ARHGAP29: variants seen among roughly 807,000 people sequenced by gnomAD.
ARHGAP29 encodes Rho GTPase activating protein 29.
A neutral mutation model predicts 122.6 loss-of-function variants in ARHGAP29; 43 were observed. That is an observed-to-expected ratio of 0.35 (90% CI 0.27 to 0.45). ARHGAP29 has a LOEUF of 0.45. ARHGAP29 is among the 20% of genes least tolerant of loss of function. ARHGAP29 has a pLI of 1.00. For missense variants in ARHGAP29, 1,303 were observed against 1,477.2 expected (o/e 0.88, Z 1.93); for synonymous variants, 506 against 497.1 (o/e 1.02, Z -0.24).
rs1652212242 is a variant in ARHGAP29 at position 94,220,262 on chromosome 1, C to A, written c.336G>T (p.Val112=). 1 of 1,613,026 alleles carries A rather than the reference C, an allele frequency of 6.2e-7. No individual in the cohort carries two copies. The highest frequency in any genetic ancestry group is 1.3e-5 in the African/African-American group (1 of 74,896). ...CTTTTACTATATCTTCCTTACCTTTCACTTTTGCAGTGAGCATTTCTGCAG... is the reference window on the plus strand; with the variant it reads ...CTTTTACTATATCTTCCTTACCTTTAACTTTTGCAGTGAGCATTTCTGCAG... ...QNAAEMLTAK[V]KAVNFTEVNE... Residue 112 remains valine (V), a synonymous_variant, in exon 3 of 23, where the codon GTG becomes GTT. Transcript: ENST00000260526.
At position 94,169,057 on chromosome 1, in the gene ARHGAP29, A is replaced by G. The variant is rs1252032531; in HGVS notation, c.*4812T>C. On this transcript the variant is annotated 3_prime_UTR_variant, in exon 23 of 23. Coordinates refer to ENST00000260526, the MANE Select transcript of ARHGAP29 (RefSeq NM_004815.4). The stretch of plus-strand genomic sequence containing the variant: ...TTAAAAATTGTTACAGCCAAGACCA[A>G]AAAGTGAGAACCACAATTCAATATT... Among the ~76,000 whole-genome samples, 1 of 152,240 alleles carries G rather than the reference A, an allele frequency of 6.6e-6. No homozygotes were observed. The highest frequency in any genetic ancestry group is 2.1e-4 in the South Asian group (1 of 4,826).
chr1:94,215,892 G>C (rs1261083440), intron 3 of ARHGAP29, among the ~76,000 whole-genome samples: 1 of 152,032 alleles, frequency 6.6e-6, no homozygotes, highest in Non-Finnish European at 1.5e-5. Flanking sequence ...AAGAAAAGCA[G>C]ATAAAAGGTC....
At chr1:94,180,951 T>G (rs754818529) in intron 19 of ARHGAP29, among the ~76,000 whole-genome samples, 2 of 152,204 alleles carry the variant, frequency 1.3e-5, no homozygotes, top group African/African-American at 2.4e-5. Context: ...GCCTCCATTT[T>G]TCAGCTGAGA....
intron 15 of ARHGAP29, among the ~76,000 whole-genome samples, chr1:94,187,001 C>T (rs989905417): frequency 2.0e-5 from 3 of 152,120 alleles, no homozygotes; most frequent in African/African-American, 4.8e-5. Flanking sequence ...TAAATGTATA[C>T]AATTAAACCA....
the ARHGAP29 span, among the ~76,000 whole-genome samples, chr1:94,294,997 G>A: frequency 6.6e-6 from 1 of 152,170 alleles, no homozygotes; most frequent in East Asian, 1.9e-4. Flanking sequence ...GAAAGATATT[G>A]GAGTGAATTA....
chr1:94,312,462 C>T, the ARHGAP29 span, among the ~76,000 whole-genome samples: 16 of 139,080 alleles, frequency 1.2e-4, no homozygotes, highest in East Asian at 3.0e-3. Context: ...GACAGAGTCT[C>T]ACTCTGTTGC....
upstream of ARHGAP29, among the ~76,000 whole-genome samples, chr1:94,240,290 A>G (rs1032181908): frequency 6.6e-6 from 1 of 152,150 alleles, no homozygotes; most frequent in Non-Finnish European, 1.5e-5. Context: ...TCTCAATCTC[A>G]ATCCTCCTCT....
intron 12 of ARHGAP29, among the ~76,000 whole-genome samples, chr1:94,198,749 T>A (rs1225397600): frequency 6.6e-6 from 1 of 152,184 alleles, no homozygotes; most frequent in African/African-American, 2.4e-5. Flanking sequence ...AGATGCTACA[T>A]ATACAGTCAA....
chr1:94,274,289 G>A (rs1260735144), intron 1 of ARHGAP29, among the ~76,000 whole-genome samples: 1 of 152,216 alleles, frequency 6.6e-6, no homozygotes, highest in Non-Finnish European at 1.5e-5. Context: ...GAATGAGCAT[G>A]ACTGTGGTCC....
chr1:94,196,130 C>A (rs904107508), intron 12 of ARHGAP29, among the ~76,000 whole-genome samples: 1 of 151,956 alleles, frequency 6.6e-6, no homozygotes, highest in Admixed American at 6.6e-5. Context: ...CAACAGGAAC[C>A]AATTGATATT....
intron 2 of ARHGAP29, among the ~76,000 whole-genome samples, chr1:94,230,337 T>TGA (rs1652846010): frequency 6.6e-6 from 1 of 151,808 alleles, no homozygotes; most frequent in Admixed American, 6.6e-5. Flanking sequence ...AAAATCAAGC[T>TGA]ATTAAAATGA....
the ARHGAP29 span, among the ~76,000 whole-genome samples, chr1:94,290,464 G>T: frequency 2.0e-5 from 3 of 152,078 alleles, no homozygotes; most frequent in Non-Finnish European, 4.4e-5. Flanking sequence ...TCTTCTGTTA[G>T]CTTTTGAATT....
the ARHGAP29 span, among the ~76,000 whole-genome samples, chr1:94,285,806 C>T: frequency 5.7e-5 from 8 of 140,174 alleles, no homozygotes; most frequent in Non-Finnish European, 1.1e-4. Flanking sequence ...ACCCGGGAGG[C>T]GGAGGTTGCA....
In ARHGAP29 at chr1:94,202,553, A is replaced by T. The variant is rs780915121; in HGVS notation, c.1134T>A (p.Ala378=). ...LEKKRRLEEE[A]LQKVEEANEL... ...AGAAAAAGATCGTTACTTTTTGGAG[A>T]GCCTCCTCTTCCAACCTTCGCTTTT... The change falls in exon 11 of 23, where the codon GCT becomes GCA. Residue 378 remains alanine (A), a synonymous_variant. Transcript: ENST00000260526. The T allele has an allele frequency of 1.9e-6, 3 of 1,613,646 alleles. No homozygotes were observed. Among genetic ancestry groups the T allele is most frequent in the South Asian group, 1.1e-5 (1 of 90,926 alleles).
the ARHGAP29 span, among the ~76,000 whole-genome samples, chr1:94,295,248 T>C: frequency 6.6e-6 from 1 of 152,248 alleles, no homozygotes; most frequent in Admixed American, 6.5e-5. Context: ...TCACCAGGAT[T>C]GGGATTTTGC....
At chr1:94,193,504 C>T (rs757320164) in intron 12 of ARHGAP29, 1 of 151,802 alleles carries the variant, frequency 6.6e-6, no homozygotes, top group Non-Finnish European at 1.5e-5. Context: ...ACGTCTTAAA[C>T]AGATAAAATC....
chr1:94,263,336 C>T (rs1317425099), intron 1 of ARHGAP29, among the ~76,000 whole-genome samples: 4 of 151,850 alleles, frequency 2.6e-5, no homozygotes, highest in African/African-American at 4.8e-5. Flanking sequence ...AAAACAAACC[C>T]CTGTGACACA....
chr1:94,270,970 G>A (rs1362248388), intron 1 of ARHGAP29, among the ~76,000 whole-genome samples: 2 of 152,200 alleles, frequency 1.3e-5, no homozygotes, highest in Non-Finnish European at 2.9e-5. Flanking sequence ...GTTCCTGTGG[G>A]TTAGAAATCC....
the ARHGAP29 span, among the ~76,000 whole-genome samples, chr1:94,287,739 A>G: frequency 3.9e-5 from 6 of 152,148 alleles, no homozygotes; most frequent in Admixed American, 3.9e-4. Context: ...CTTATGCGTG[A>G]GAACATGCGA....
Sources: gnomAD v4.1 joint callset for allele counts (sites outside exome capture counted in the v4.1 genomes callset) on GRCh38, gnomAD v4.1.1 for gene constraint, MANE v1.5 for transcripts, NCBI Gene and HGNC (gene_info 2026-07-23, HGNC 2026-07-21) for gene names.